COL14A1: variants seen among roughly 807,000 people sequenced by gnomAD.
COL14A1 encodes collagen alpha-1(XIV) chain.
In COL14A1, 136 loss-of-function variants were observed where a neutral mutation model predicts 230.3. The observed-to-expected ratio is 0.59, with a 90% confidence interval of 0.51 to 0.68. The LOEUF (loss-of-function observed/expected upper bound fraction) is 0.68. Ranked by LOEUF, COL14A1 falls within the 30% of genes least tolerant of loss-of-function variation. COL14A1 has a pLI of 0.00. For synonymous variants in COL14A1, 792 were observed against 784.1 expected (o/e 1.01, Z -0.17); for missense variants, 1,976 against 2,215.8 (o/e 0.89, Z 2.17).
At chr8:120,229,115 T>TTTTATTTTATTTTAC in intron 18 of COL14A1, among the ~76,000 whole-genome samples, 1 of 146,568 alleles carries the variant, frequency 6.8e-6, no homozygotes, top group African/African-American at 2.5e-5. Context: ...TTTTATTTTA[T>TTTTATTTTATTTTAC]TTATTATTAT....
chr8:120,157,671 A>C (rs765072711), intron 2 of COL14A1, among the ~76,000 whole-genome samples: 6 of 152,160 alleles, frequency 3.9e-5, no homozygotes, highest in African/African-American at 9.7e-5. Flanking sequence ...TGATCAGTTC[A>C]TTAGTGAGGT....
chr8:120,165,764 G>T (rs1032750732), intron 4 of COL14A1, among the ~76,000 whole-genome samples: 1 of 152,122 alleles, frequency 6.6e-6, no homozygotes, highest in Non-Finnish European at 1.5e-5. Flanking sequence ...CCTCTTCAAC[G>T]ATTAGGAGAG....
intron 5 of COL14A1, among the ~76,000 whole-genome samples, chr8:120,181,143 G>C (rs990388695): frequency 2.0e-5 from 3 of 152,170 alleles, no homozygotes; most frequent in Admixed American, 6.5e-5. Flanking sequence ...ACCAGGAGCT[G>C]CAAGGATGGC....
chr8:120,362,858 C>G (rs148398727), intron 45 of COL14A1, among the ~76,000 whole-genome samples: 4 of 152,248 alleles, frequency 2.6e-5, no homozygotes, highest in African/African-American at 9.6e-5. Context: ...ATTTTGGTTA[C>G]TCTACAGAAA....
chr8:120,280,092 A>C lies in COL14A1; in HGVS notation c.3639A>C (p.Ala1213=). ...TAATTACTTTTGTCTGCGAAACAGC[A>C]TCAGCAAGTTAGTTCTTTGGAATTT... ...DELITFVCET[A]SATCPVVHKD... is the part of the protein sequence containing the mutation. The change falls in exon 29 of 48, where the codon GCA becomes GCC. Residue 1213 remains alanine, a synonymous_variant. Coordinates refer to ENST00000297848, the MANE Select transcript of COL14A1 (RefSeq NM_021110.4). 2 of 1,613,726 alleles carry C rather than the reference A, an allele frequency of 1.2e-6. No homozygotes were observed. The highest frequency in any genetic ancestry group is 1.7e-6 in the Non-Finnish European group (2 of 1,179,744).
chr8:120,274,876 G>T (rs566679515), intron 26 of COL14A1, among the ~76,000 whole-genome samples: 161 of 151,858 alleles, frequency 1.1e-3, no homozygotes, highest in Non-Finnish European at 1.9e-3. Flanking sequence ...AGCATCCCAT[G>T]CTCATGGATT....
chr8:120,295,042 C>T (rs947292626), intron 34 of COL14A1, among the ~76,000 whole-genome samples: 6 of 151,838 alleles, frequency 4.0e-5, no homozygotes, highest in Admixed American at 3.3e-4. Context: ...TTCAAGAAAT[C>T]CTGATGTATA....
chr8:120,284,419 T>G (rs1241709645), intron 32 of COL14A1, among the ~76,000 whole-genome samples: 5 of 152,202 alleles, frequency 3.3e-5, no homozygotes, highest in African/African-American at 1.2e-4. Context: ...CTCAAGCTCT[T>G]GGATGTTGTA....
At chr8:120,226,331 C>T (rs1818093065) in intron 15 of COL14A1, among the ~76,000 whole-genome samples, 1 of 151,900 alleles carries the variant, frequency 6.6e-6, no homozygotes, top group African/African-American at 2.4e-5. Flanking sequence ...ATATGGCACT[C>T]TTGTTTTTTA....
chr8:120,336,887 G>A (rs1822093230), intron 42 of COL14A1, among the ~76,000 whole-genome samples: 1 of 152,130 alleles, frequency 6.6e-6, no homozygotes, highest in Non-Finnish European at 1.5e-5. Flanking sequence ...TGAGCTCCCG[G>A]CAAATCCTTC....
At chr8:120,369,265 G>C in intron 46 of COL14A1, 65 bp from the exon 47 acceptor site, 12 of 1,430,966 alleles carry the variant, frequency 8.4e-6, no homozygotes, top group Non-Finnish European at 1.1e-5. Context: ...TTACTTCTTG[G>C]TTGTCTCAAA....
At position 120,255,279 on chromosome 8, in the gene COL14A1, A is replaced by G. The variant is rs749349633; in HGVS notation, c.2792A>G (p.Glu931Gly). 3.9e-5 allele frequency: 63 copies of G among 1,614,184 alleles called. No homozygotes were observed. In the East Asian group the frequency reaches 1.3e-3, roughly 34 times the overall value. Reference sequence around the variant, plus strand: ...ACCAATCTCCAAGCCAAACATGTTGAAATGACCAGCTTGTGTGCCCACTGG... The same window carrying G: ...ACCAATCTCCAAGCCAAACATGTTGGAATGACCAGCTTGTGTGCCCACTGG... ...GVTNLQAKHV[E>G]MTSLCAHWQV... is the part of the protein sequence containing the mutation. Residue 931 changes from glutamate (E) to glycine (G), a missense_variant, in exon 23 of 48, where the codon GAA becomes GGA. Coordinates refer to ENST00000297848, the MANE Select transcript of COL14A1 (RefSeq NM_021110.4).
At chr8:120,142,775 T>C (rs1322050571) in intron 1 of COL14A1, among the ~76,000 whole-genome samples, 1 of 152,178 alleles carries the variant, frequency 6.6e-6, no homozygotes, top group Non-Finnish European at 1.5e-5. Flanking sequence ...TCAAAGTATA[T>C]GGGTCTCCCT....
At chr8:120,341,392 C>G (rs1822293503) in intron 43 of COL14A1, 32 bp downstream of exon 43, 1 of 1,612,510 alleles carries the variant, frequency 6.2e-7, no homozygotes, top group Non-Finnish European at 8.5e-7. Context: ...TTTCTGGCCC[C>G]AGCTTGTTGC....
chr8:120,323,425 A>G (rs1267520870), intron 40 of COL14A1, among the ~76,000 whole-genome samples: 1 of 151,962 alleles, frequency 6.6e-6, no homozygotes, highest in East Asian at 1.9e-4. Context: ...GTATAATTAG[A>G]GCCTATTTGT....
At chr8:120,264,248 A>C (rs1165316778) in intron 24 of COL14A1, among the ~76,000 whole-genome samples, 1 of 152,200 alleles carries the variant, frequency 6.6e-6, no homozygotes, top group Non-Finnish European at 1.5e-5. Context: ...TTCACTTAGC[A>C]TATGTTTTTG....
intron 5 of COL14A1, among the ~76,000 whole-genome samples, chr8:120,181,192 T>C (rs939158824): frequency 6.6e-6 from 1 of 152,230 alleles, no homozygotes; most frequent in Non-Finnish European, 1.5e-5. Flanking sequence ...AGAATGGAAT[T>C]GGGCAAACAC....
intron 40 of COL14A1, among the ~76,000 whole-genome samples, chr8:120,323,746 T>C (rs1821551935): frequency 6.6e-6 from 1 of 152,196 alleles, no homozygotes; most frequent in African/African-American, 2.4e-5. Context: ...GTCTTATTTC[T>C]GAGTTCTCTC....
intron 22 of COL14A1, among the ~76,000 whole-genome samples, chr8:120,253,201 G>T (rs1034439752): frequency 6.6e-6 from 1 of 152,106 alleles, no homozygotes; most frequent in Admixed American, 6.5e-5. Flanking sequence ...TAAAGACAGG[G>T]TTTCACCATG....
Sources: allele counts gnomAD v4.1 joint callset (sites outside exome capture counted in the v4.1 genomes callset), GRCh38; gene constraint gnomAD v4.1.1; transcripts MANE v1.5; gene names NCBI Gene and HGNC (gene_info 2026-07-23, HGNC 2026-07-21).